The following ADCY2 variants were observed in gnomAD, a reference collection of about 807,000 sequenced individuals.
ADCY2 encodes adenylate cyclase type 2.
In ADCY2, 31 loss-of-function variants were observed where a neutral mutation model predicts 125.2. The ratio of observed to expected loss-of-function variants is 0.25; its 90% CI spans 0.19 to 0.33. The LOEUF (loss-of-function observed/expected upper bound fraction) is 0.33, where lower values mean the gene tolerates loss of function less well. Among genes scored for constraint, ADCY2 ranks in the 10% least tolerant of loss-of-function variants. ADCY2 has a pLI of 1.00. For synonymous variants in ADCY2, 512 were observed against 548.4 expected, an observed-to-expected ratio of 0.93 and a Z score of 0.93; for missense variants, 904 against 1,418.2, an observed-to-expected ratio of 0.64 and a Z score of 5.82.
chr5:7,818,266 A>G (rs1219053391), intron 23 of ADCY2, among the ~76,000 whole-genome samples: 1 of 151,974 alleles, frequency 6.6e-6, no homozygotes, highest in Non-Finnish European at 1.5e-5. Flanking sequence ...AATCCAAAAT[A>G]TGTTACATCT....
In ADCY2 at chr5:7,707,584, T is replaced by C. The variant is rs1741303678; in HGVS notation, c.1269-122T>C. 3 of 1,152,464 alleles carry C rather than the reference T, an allele frequency of 2.6e-6. No homozygotes were observed. In the Admixed American group the frequency reaches 7.1e-5, roughly 27 times the overall value. The allele number at this position is 1,152,464 out of a possible 1,614,324, so 71.4% of individuals were successfully genotyped here. On this transcript the variant is annotated intron_variant, in intron 8 of 24. Transcript: ENST00000338316. ...GTGGTCAATAGAATATAAACTTTAA[T>C]TGCGGTCAGTGCTCCTAAGAACTTT...
intron 4 of ADCY2, among the ~76,000 whole-genome samples, chr5:7,679,171 A>C (rs1740235619): frequency 6.6e-6 from 1 of 152,170 alleles, no homozygotes; most frequent in Non-Finnish European, 1.5e-5. Context: ...GGGCATCCTT[A>C]GGGAGGAGGT....
At chr5:7,648,010 C>T (rs1738960471) in intron 4 of ADCY2, among the ~76,000 whole-genome samples, 1 of 152,206 alleles carries the variant, frequency 6.6e-6, no homozygotes, top group African/African-American at 2.4e-5. Context: ...ACTTCAGTTT[C>T]CTCCTGCATA....
Position 7,546,594 on chromosome 5 carries a change from T to C in ADCY2, c.570+25695T>C, listed in dbSNP as rs1390880649. ...CATTCAATCAGGCTCCAAGTCTGGG[T>C]CATTCCAGAATATACCATGAGGCTC... is the stretch of plus-strand genomic sequence containing the variant. On this transcript the variant is annotated intron_variant, in intron 3 of 24. Transcript: ENST00000338316. Among the ~76,000 whole-genome samples the C allele has an allele frequency of 1.9e-4, 29 of 152,180 alleles. 1 individual carries two copies. The highest frequency in any genetic ancestry group is 1.7e-3 in the Admixed American group (26 of 15,286).
intron 2 of ADCY2, among the ~76,000 whole-genome samples, chr5:7,415,611 T>A (rs575105996): frequency 1.3e-5 from 2 of 152,276 alleles, no homozygotes; most frequent in Admixed American, 1.3e-4. Flanking sequence ...TGATTTTCCC[T>A]CCACATGGTC....
At chr5:7,635,995 G>C (rs949567179) in intron 4 of ADCY2, among the ~76,000 whole-genome samples, 1 of 152,114 alleles carries the variant, frequency 6.6e-6, no homozygotes, top group Non-Finnish European at 1.5e-5. Flanking sequence ...TGTTTAGCCT[G>C]TGGCCAGGTG....
At chr5:7,781,495 CA>C (rs1743921251) in intron 18 of ADCY2, among the ~76,000 whole-genome samples, 1 of 152,134 alleles carries the variant, frequency 6.6e-6, no homozygotes, top group Non-Finnish European at 1.5e-5. Context: ...ATGATGAAGG[CA>C]GGGATTGGAG....
intron 3 of ADCY2, among the ~76,000 whole-genome samples, chr5:7,538,752 T>C (rs1033403018): frequency 6.6e-6 from 1 of 152,114 alleles, no homozygotes; most frequent in Non-Finnish European, 1.5e-5. Context: ...TGTCCAAAAC[T>C]GCAGAAACCA....
chr5:7,474,634 G>A (rs1267376342), intron 2 of ADCY2, among the ~76,000 whole-genome samples: 2 of 152,228 alleles, frequency 1.3e-5, no homozygotes, highest in African/African-American at 2.4e-5. Flanking sequence ...AGGCCACTGA[G>A]CCGGGCAGAG....
chr5:7,477,198 G>GT (rs5865716), intron 2 of ADCY2, among the ~76,000 whole-genome samples: 138,086 of 151,750 alleles, frequency 0.91, 62,927 homozygotes, highest in African/African-American at 0.94. Flanking sequence ...AGGACTTGAT[G>GT]TTTTTTTTAA....
At chr5:7,512,413 T>A (rs972831951) in intron 2 of ADCY2, among the ~76,000 whole-genome samples, 1 of 151,982 alleles carries the variant, frequency 6.6e-6, no homozygotes, top group Non-Finnish European at 1.5e-5. Flanking sequence ...TTGGATGATG[T>A]TGTAGCCACA....
intron 1 of ADCY2, among the ~76,000 whole-genome samples, chr5:7,404,999 G>C (rs1200680259): frequency 6.6e-6 from 1 of 152,194 alleles, no homozygotes; most frequent in African/African-American, 2.4e-5. Context: ...AAAAGAAAAA[G>C]ATGGAATTGC....
intron 3 of ADCY2, among the ~76,000 whole-genome samples, chr5:7,521,831 C>T (rs1264283806): frequency 1.3e-5 from 2 of 152,188 alleles, no homozygotes; most frequent in Non-Finnish European, 2.9e-5. Flanking sequence ...TTTCAATGCT[C>T]ATCTCCTACT....
chr5:7,558,106 G>T (rs1178211971), intron 3 of ADCY2, among the ~76,000 whole-genome samples: 2 of 151,158 alleles, frequency 1.3e-5, no homozygotes, highest in African/African-American at 4.9e-5. Context: ...AGGCTGTAGT[G>T]CAGTGGCACA....
intron 17 of ADCY2, among the ~76,000 whole-genome samples, chr5:7,768,710 A>G (rs1743468632): frequency 6.6e-6 from 1 of 152,236 alleles, no homozygotes. Flanking sequence ...AAGTGGGGAA[A>G]GGCAACATTT....
intron 4 of ADCY2, chr5:7,654,298 G>A (rs1454652233): frequency 2.4e-5 from 9 of 372,254 alleles, no homozygotes; most frequent in East Asian, 7.3e-5. Context: ...GTGGGGTGGC[G>A]GGGAGAAGCC....
At chr5:7,553,226 T>C (rs1735393953) in intron 3 of ADCY2, among the ~76,000 whole-genome samples, 1 of 152,224 alleles carries the variant, frequency 6.6e-6, no homozygotes, top group Non-Finnish European at 1.5e-5. Flanking sequence ...TTCTGGTGCC[T>C]AAATAGGATC....
intron 3 of ADCY2, among the ~76,000 whole-genome samples, chr5:7,568,483 G>A (rs34818287): frequency 0.15 from 22,222 of 151,816 alleles, 2,151 homozygotes; most frequent in Non-Finnish European, 0.21. Flanking sequence ...TGTTGTATGA[G>A]TGCTTTGTCT....
intron 4 of ADCY2, among the ~76,000 whole-genome samples, chr5:7,655,122 G>T (rs1346418558): frequency 6.6e-6 from 1 of 152,172 alleles, no homozygotes; most frequent in Non-Finnish European, 1.5e-5. Context: ...CGTTTCCCAT[G>T]ACTGAGGGCT....
Sources: gnomAD v4.1 joint callset for allele counts (sites outside exome capture counted in the v4.1 genomes callset) on GRCh38, gnomAD v4.1.1 for gene constraint, MANE v1.5 for transcripts, NCBI Gene and HGNC (gene_info 2026-07-23, HGNC 2026-07-21) for gene names.